The following TRAT1 variants were observed in gnomAD, a reference collection of about 807,000 sequenced individuals.
The protein encoded by TRAT1 is T-cell receptor-associated transmembrane adapter 1.
In TRAT1, 20 loss-of-function variants were observed where a neutral mutation model predicts 20.0. The observed-to-expected ratio is 1.00, with a 90% CI of 0.70 to 1.45. The LOEUF (loss-of-function observed/expected upper bound fraction) is 1.45. Among genes scored for constraint, TRAT1 ranks in the 40% most tolerant of loss-of-function variants. The pLI, the probability that TRAT1 is intolerant of heterozygous loss-of-function variation, is 0.00. For synonymous variants in TRAT1, 77 were observed against 74.2 expected, an observed-to-expected ratio of 1.04 and a Z score of -0.20; for missense variants, 237 against 224.1, an observed-to-expected ratio of 1.06 and a Z score of -0.37.
At chr3:108,841,012 T>C (rs1272864073) in intron 3 of TRAT1, among the ~76,000 whole-genome samples, 3 of 152,274 alleles carry the variant, frequency 2.0e-5, no homozygotes, top group Admixed American at 2.0e-4. Flanking sequence ...AAGGATATCC[T>C]GTTTCTGTGA....
intron 1 of TRAT1, among the ~76,000 whole-genome samples, chr3:108,826,757 G>A (rs890200595): frequency 6.6e-5 from 10 of 152,148 alleles, no homozygotes; most frequent in Non-Finnish European, 4.4e-5. Flanking sequence ...ATTAAGAGAA[G>A]CTATATGCTG....
intron 5 of TRAT1, among the ~76,000 whole-genome samples, chr3:108,850,620 A>C (rs1426233115): frequency 5.3e-5 from 8 of 152,146 alleles, no homozygotes; most frequent in Admixed American, 5.2e-4. Flanking sequence ...TTTTTAACTA[A>C]GAAACCAAGA....
At chr3:108,841,161 A>C (rs1310546833) in intron 3 of TRAT1, among the ~76,000 whole-genome samples, 4 of 152,248 alleles carry the variant, frequency 2.6e-5, no homozygotes, top group African/African-American at 7.2e-5. Flanking sequence ...TCACCCAGAG[A>C]ACTGTCCTGC....
chr3:108,840,311 G>T (rs945387987), intron 3 of TRAT1, among the ~76,000 whole-genome samples: 1 of 152,064 alleles, frequency 6.6e-6, no homozygotes, highest in African/African-American at 2.4e-5. Flanking sequence ...AACACATAAT[G>T]ATGAAAATCC....
chr3:108,827,331 T>C (rs1405691060), intron 1 of TRAT1, among the ~76,000 whole-genome samples: 2 of 151,768 alleles, frequency 1.3e-5, no homozygotes, highest in Admixed American at 1.3e-4. Context: ...ATGGAGATAT[T>C]TATACTGCAT....
At chr3:108,851,588 T>G (rs2107516794) in intron 5 of TRAT1, among the ~76,000 whole-genome samples, 1 of 151,838 alleles carries the variant, frequency 6.6e-6, no homozygotes, top group South Asian at 2.1e-4. Context: ...TAATGAATCA[T>G]TACTATTTGC....
At chr3:108,836,081 A>G (rs927229974) in intron 2 of TRAT1, among the ~76,000 whole-genome samples, 23 of 152,100 alleles carry the variant, frequency 1.5e-4, no homozygotes, top group African/African-American at 5.3e-4. Flanking sequence ...CACCATGCCC[A>G]GCTAATTTTT....
chr3:108,832,739 A>T (rs1004651015), intron 2 of TRAT1, among the ~76,000 whole-genome samples: 1 of 152,214 alleles, frequency 6.6e-6, no homozygotes, highest in African/African-American at 2.4e-5. Flanking sequence ...TAACAGGTAG[A>T]CATTGACATG....
At chr3:108,835,107 G>A (rs1039287588) in intron 2 of TRAT1, among the ~76,000 whole-genome samples, 4 of 152,186 alleles carry the variant, frequency 2.6e-5, no homozygotes, top group African/African-American at 4.8e-5. Context: ...GGAAATTATG[G>A]CATCTTCACA....
rs79287278 is a variant in TRAT1 at position 108,836,720 on chromosome 3, A to C, written c.119-2214A>C. On this transcript the variant is annotated intron_variant, in intron 2 of 5. Transcript: ENST00000295756. ...AGAAAATATTTCATTTACCTCTGAC[A>C]TGTACTCTGTGATGTAGGCATTATT... Among the ~76,000 whole-genome samples, 520 of 152,360 alleles carry C rather than the reference A, an allele frequency of 3.4e-3. 7 individuals are homozygous for C. The highest frequency in any genetic ancestry group is 0.012 in the African/African-American group (484 of 41,592).
At chr3:108,831,230 G>T (rs997884547) in intron 2 of TRAT1, among the ~76,000 whole-genome samples, 1 of 152,154 alleles carries the variant, frequency 6.6e-6, no homozygotes, top group Non-Finnish European at 1.5e-5. Context: ...GTCAGAAGAC[G>T]ACTGGAAAAG....
intron 1 of TRAT1, among the ~76,000 whole-genome samples, chr3:108,830,222 G>A (rs543767131): frequency 3.9e-5 from 6 of 152,264 alleles, no homozygotes; most frequent in East Asian, 1.9e-4. Flanking sequence ...CCAACACATC[G>A]TATTCTATAC....
At chr3:108,853,007 A>C (rs1488548670) in intron 5 of TRAT1, among the ~76,000 whole-genome samples, 1 of 152,252 alleles carries the variant, frequency 6.6e-6, no homozygotes, top group Non-Finnish European at 1.5e-5. Flanking sequence ...GATATCTCCA[A>C]GGCCAATCCA....
chr3:108,830,835 T>A (rs1945786049), intron 2 of TRAT1, 55 bp downstream of exon 2: 5 of 1,142,080 alleles, frequency 4.4e-6, no homozygotes, highest in South Asian at 2.5e-5. Context: ...GACTATGGAG[T>A]CACTGGAAAA....
intron 5 of TRAT1, among the ~76,000 whole-genome samples, chr3:108,852,581 A>G (rs780862562): frequency 9.2e-5 from 14 of 152,204 alleles, no homozygotes; most frequent in Non-Finnish European, 2.1e-4. Flanking sequence ...CTGCAAATCA[A>G]TACAATTTTG....
intron 2 of TRAT1, among the ~76,000 whole-genome samples, chr3:108,834,835 G>T (rs2107509186): frequency 6.6e-6 from 1 of 152,282 alleles, no homozygotes; most frequent in African/African-American, 2.4e-5. Flanking sequence ...GCCTCCCCTT[G>T]ATGTTTTCTG....
intron 2 of TRAT1, among the ~76,000 whole-genome samples, chr3:108,837,667 T>C (rs1225131627): frequency 6.6e-6 from 1 of 152,216 alleles, no homozygotes; most frequent in Non-Finnish European, 1.5e-5. Flanking sequence ...ATAATAGTGG[T>C]CTTTATTTTT....
At chr3:108,840,049 A>C (rs1434218017) in intron 3 of TRAT1, among the ~76,000 whole-genome samples, 2 of 152,106 alleles carry the variant, frequency 1.3e-5, no homozygotes, top group Non-Finnish European at 2.9e-5. Context: ...AAAAACACAG[A>C]GCTTTCTCAC....
At chr3:108,840,990 G>A (rs1250199598) in intron 3 of TRAT1, among the ~76,000 whole-genome samples, 3 of 152,216 alleles carry the variant, frequency 2.0e-5, no homozygotes, top group Non-Finnish European at 2.9e-5. Context: ...GATATGCTGG[G>A]CTAAAGCACT....
Sources: gnomAD v4.1 joint callset for allele counts (sites outside exome capture counted in the v4.1 genomes callset) on GRCh38, gnomAD v4.1.1 for gene constraint, MANE v1.5 for transcripts, NCBI Gene and HGNC (gene_info 2026-07-23, HGNC 2026-07-21) for gene names.